TNK2: variants seen among roughly 807,000 people sequenced by gnomAD.
TNK2 encodes the protein activated CDC42 kinase 1.
TNK2 carries 83 observed loss-of-function variants against 101.8 expected under a neutral mutation model. The observed-to-expected ratio is 0.82, with a 90% confidence interval of 0.68 to 0.98. The LOEUF is 0.98. TNK2 is among the 50% of genes least tolerant of loss of function. TNK2 has a pLI of 0.00. For missense variants in TNK2, 1,665 were observed against 1,483.2 expected (o/e 1.12, Z -2.01); for synonymous variants, 804 against 633.0 (o/e 1.27, Z -4.06).
At chr3:195,871,240 T>C (rs1006438340) in intron 10 of TNK2, among the ~76,000 whole-genome samples, 2 of 152,066 alleles carry the variant, frequency 1.3e-5, no homozygotes, top group Non-Finnish European at 2.9e-5. Context: ...ATTCTGCGTG[T>C]CCTTCCCAGA....
chr3:195,884,963 G>A lies in TNK2; in HGVS notation c.305C>T (p.Ser102Leu), dbSNP rs144814844. The A allele has an allele frequency of 8.9e-5, 143 of 1,613,968 alleles. No homozygotes were observed. The African/African-American group carries it at 1.6e-3, about 18-fold the overall frequency. Residue 102 changes from serine (S) to leucine (L), a missense_variant, in exon 4 of 16, where the codon TCG (serine) becomes TTG (leucine). Physicochemically the swap from Ser to Leu is moderately radical, Grantham distance 145. This residue lies in a region of TNK2 where 490 missense variants were observed against 522.5 expected (regional missense o/e 0.94). Transcript: ENST00000672887. ...HHSQSTFRKT[S>L]PAPGGPAGEG... ...CCCTGCTGGGCCCCCAGGGGCGGGCGAGGTCTTCCGGAAGGTGCTCTGAGA... is the reference window on the plus strand; with the variant it reads ...CCCTGCTGGGCCCCCAGGGGCGGGCAAGGTCTTCCGGAAGGTGCTCTGAGA...
Position 195,878,485 on chromosome 3 carries a change from G to C in TNK2, c.1122C>G (p.Asp374Glu). 1 of 1,614,018 alleles carries C rather than the reference G, an allele frequency of 6.2e-7. No individual in the cohort carries two copies. The highest frequency in any genetic ancestry group is 8.5e-7 in the Non-Finnish European group (1 of 1,180,052). ...CCCGCAGGGCCACAAACGTGGGTCTGTCCTCTGGCTTGTGAGCCCAGCACT... is the reference window on the plus strand; with the variant it reads ...CCCGCAGGGCCACAAACGTGGGTCTCTCCTCTGGCTTGTGAGCCCAGCACT... Reference protein sequence around the residue: ...MVQCWAHKPEDRPTFVALRDF... With the variant: ...MVQCWAHKPEERPTFVALRDF... Residue 374 changes from aspartate (D) to glutamate (E), a missense_variant, in exon 8 of 16, where the codon GAC becomes GAG. Physicochemically the swap from Asp to Glu is conservative, Grantham distance 45 (BLOSUM62 2). Around this residue, in one of 3 missense-constraint regions of TNK2, gnomAD observed 490 missense variants for 522.5 expected, o/e 0.94. Transcript: ENST00000672887. This position sits in a 1 kb window ranked among gnomAD's most constrained non-coding sequence, Gnocchi z 4.7.
chr3:195,897,927 C>G (rs1760812512), intron 1 of TNK2, among the ~76,000 whole-genome samples: 2 of 151,032 alleles, frequency 1.3e-5, no homozygotes, highest in African/African-American at 4.9e-5. Flanking sequence ...CTGGGGTCAC[C>G]TATGCCTCCA....
At chr3:195,900,534 G>C (rs1761095926) in intron 1 of TNK2, among the ~76,000 whole-genome samples, 2 of 152,224 alleles carry the variant, frequency 1.3e-5, no homozygotes, top group Admixed American at 1.3e-4. Flanking sequence ...GCCAGCTGAA[G>C]ACCGGAGTGT....
rs1451340833 is a variant in TNK2 at position 195,870,177 on chromosome 3, G to C, written c.1480C>G (p.Pro494Ala). The C allele has an allele frequency of 1.9e-6, 3 of 1,544,134 alleles. No homozygotes were observed. Among genetic ancestry groups the C allele is most frequent in the East Asian group, 4.7e-5 (2 of 42,858 alleles). Reference protein sequence around the residue: ...ELYLGNPMDPPDLLSVELSTS... With the variant: ...ELYLGNPMDPADLLSVELSTS... ...CTCAGTTCCACGCTCAGGAGGTCGG[G>C]GGGGTCCATGGGGTTTCCCAGATAC... Residue 494 changes from proline to alanine, a missense_variant, in exon 11 of 16, where the codon CCC (proline) becomes GCC (alanine). Pro to Ala is a conservative substitution (Grantham distance 27). This residue lies in a region of TNK2 where 1,136 missense variants were observed against 894.9 expected (regional missense o/e 1.27). Transcript: ENST00000672887.
At chr3:195,906,854 G>C (rs1761776782) in intron 1 of TNK2, among the ~76,000 whole-genome samples, 1 of 152,164 alleles carries the variant, frequency 6.6e-6, no homozygotes. Context: ...GGGCCAGAGG[G>C]AACAGTCTGA....
Position 195,885,167 on chromosome 3 carries a change from T to A in TNK2, c.235-134A>T. On this transcript the variant is annotated intron_variant, in intron 3 of 15. Transcript: ENST00000672887. This position sits in a 1 kb window ranked among gnomAD's most constrained non-coding sequence, Gnocchi z 4.7. ...GGTCCTGGTTTTGCCAAACTGTCAGTGGGGCAGCCTGGCTGGAGGCCCACA... is the reference window on the plus strand; with the variant it reads ...GGTCCTGGTTTTGCCAAACTGTCAGAGGGGCAGCCTGGCTGGAGGCCCACA... The A allele has an allele frequency of 9.6e-7, 1 of 1,046,702 alleles. No individual in the cohort carries two copies. The highest frequency in any genetic ancestry group is 1.4e-6 in the Non-Finnish European group (1 of 733,902). 64.8% of individuals were successfully genotyped at this position (1,046,702 alleles called of 1,614,324 possible).
At position 195,878,226 on chromosome 3, in the gene TNK2, G is replaced by T; in HGVS notation, c.1256+27C>A. 1 of 1,609,860 alleles carries T rather than the reference G, an allele frequency of 6.2e-7. No homozygotes were observed. The highest frequency in any genetic ancestry group is 8.5e-7 in the Non-Finnish European group (1 of 1,176,226). ...ACCTGTGCCCTTCAAGCGATCCCAG[G>T]GCGGGGCCCAGCCCTGCACTCCCTA... is the stretch of plus-strand genomic sequence containing the variant. On this transcript the variant is annotated intron_variant, in intron 9 of 15. Transcript: ENST00000672887. The surrounding 1 kb of genome is among the most constrained non-coding windows in gnomAD (Gnocchi z 4.7).
At chr3:195,868,753 G>C in intron 12 of TNK2, 44 bp from the exon 13 acceptor site, 1 of 1,507,818 alleles carries the variant, frequency 6.6e-7, no homozygotes, top group African/African-American at 1.4e-5. Context: ...AGTCAGGCAG[G>C]GTCTGGGACA....
intron 1 of TNK2, among the ~76,000 whole-genome samples, chr3:195,898,235 G>A (rs1017590401): frequency 2.0e-5 from 3 of 152,120 alleles, no homozygotes; most frequent in Admixed American, 2.0e-4. Context: ...CGGTCGGGCT[G>A]CTTCAACCGC....
intron 1 of TNK2, among the ~76,000 whole-genome samples, chr3:195,907,097 A>C (rs1189610736): frequency 2.0e-5 from 3 of 152,212 alleles, no homozygotes; most frequent in South Asian, 2.1e-4. Context: ...TTCATCTACC[A>C]CAAGTTCAAA....
intron 10 of TNK2, among the ~76,000 whole-genome samples, chr3:195,871,067 C>G (rs1262958433): frequency 6.8e-6 from 1 of 147,438 alleles, no homozygotes; most frequent in Non-Finnish European, 1.5e-5. Flanking sequence ...GGGTGAAGGC[C>G]CCTGCTTTCC....
In TNK2 at chr3:195,882,002, A is replaced by C. The variant is rs1252645855; in HGVS notation, c.887+49T>G. On this transcript the variant is annotated intron_variant, in intron 6 of 15. Transcript: ENST00000672887. The surrounding 1 kb of genome is among the most constrained non-coding windows in gnomAD (Gnocchi z 4.2). ...GGTCCAGAAAGCCCCAGAAGCTTTG[A>C]GGCCTGGGTCTGCAGGGACTCTGTG... 9 of 1,568,992 alleles carry C rather than the reference A, an allele frequency of 5.7e-6. No individual in the cohort carries two copies. Among genetic ancestry groups the C allele is most frequent in the Non-Finnish European group, 7.8e-6 (9 of 1,155,206 alleles).
intron 1 of TNK2, among the ~76,000 whole-genome samples, chr3:195,899,954 C>T (rs1761035889): frequency 6.6e-6 from 1 of 152,106 alleles, no homozygotes; most frequent in African/African-American, 2.4e-5. Flanking sequence ...CTCTCCCAGC[C>T]CCGGCTTTGC....
rs1200190381 is a variant in TNK2 at position 195,866,948 on chromosome 3, G to A, written c.3102C>T (p.Asp1034=). 3 of 1,612,876 alleles carry A rather than the reference G, an allele frequency of 1.9e-6. No homozygotes were observed. The highest frequency in any genetic ancestry group is 2.5e-6 in the Non-Finnish European group (3 of 1,179,806). Reference sequence around the variant, plus strand: ...GGCAGCCGGCCTGCTCCAGGTTCCAGTCGAACATCTCCAGCACTTTGTGGC... The same window carrying A: ...GGCAGCCGGCCTGCTCCAGGTTCCAATCGAACATCTCCAGCACTTTGTGGC... ...GECHKVLEMF[D]WNLEQAGCHL... The change falls in exon 15 of 16, where the codon GAC becomes GAT. Residue 1034 remains aspartate, a synonymous_variant. Coordinates refer to ENST00000672887, the MANE Select transcript of TNK2 (RefSeq NM_001382273.1).
rs2149762014 is a variant in TNK2 at position 195,892,820 on chromosome 3, C to G, written c.-18-4214G>C. On this transcript the variant is annotated intron_variant, in intron 1 of 15. Coordinates refer to ENST00000672887, the MANE Select transcript of TNK2 (RefSeq NM_001382273.1). ...GCCGCCCTCCCTCTTGCCTGCCTCT[C>G]TCTCTCCCTCTCTCCCTCCCTCCCC... is the stretch of plus-strand genomic sequence containing the variant. 7 of 880,428 alleles carry G rather than the reference C, an allele frequency of 8.0e-6. No individual in the cohort carries two copies. In the South Asian group the frequency reaches 1.7e-4, roughly 21 times the overall value. 54.5% of individuals were successfully genotyped at this position (880,428 alleles called of 1,614,324 possible).
chr3:195,899,552 G>C (rs61248803), intron 1 of TNK2, among the ~76,000 whole-genome samples: 7 of 152,060 alleles, frequency 4.6e-5, no homozygotes, highest in Admixed American at 3.3e-4. Flanking sequence ...GGATGGTCTC[G>C]ATCTCCTGAC....
chr3:195,877,444 A>AAG (rs1357216781), intron 9 of TNK2, among the ~76,000 whole-genome samples: 2 of 152,166 alleles, frequency 1.3e-5, no homozygotes, highest in Non-Finnish European at 2.9e-5. Context: ...GTGCAGGTGG[A>AAG]AGAGGCTCCC....
At chr3:195,865,945 C>T (rs1379796246) in intron 15 of TNK2, among the ~76,000 whole-genome samples, 1 of 152,220 alleles carries the variant, frequency 6.6e-6, no homozygotes, top group Non-Finnish European at 1.5e-5. Context: ...CACAGGGCCA[C>T]GCTGCTGGGA....
Sources: allele counts gnomAD v4.1 joint callset (sites outside exome capture counted in the v4.1 genomes callset), GRCh38; gene constraint gnomAD v4.1.1; regional missense constraint gnomAD v4.1.1; non-coding constraint Gnocchi (gnomAD v3.1); transcripts MANE v1.5; gene names NCBI Gene and HGNC (gene_info 2026-07-23, HGNC 2026-07-21).